ZNF385B: variants seen among roughly 807,000 people sequenced by gnomAD.
ZNF385B encodes the protein zinc finger protein 533.
ZNF385B carries 23 observed loss-of-function variants against 39.2 expected under a neutral mutation model. The ratio of observed to expected loss-of-function variants is 0.59; its 90% CI spans 0.42 to 0.83. The LOEUF is 0.83. Ranked by LOEUF, ZNF385B falls within the 40% of genes least tolerant of loss-of-function variation. The pLI is 0.00. For synonymous variants in ZNF385B, 205 were observed against 222.6 expected, an observed-to-expected ratio of 0.92 and a Z score of 0.70; for missense variants, 552 against 598.9, an observed-to-expected ratio of 0.92 and a Z score of 0.82.
chr2:179,466,045 A>C (rs539955082), intron 6 of ZNF385B, among the ~76,000 whole-genome samples: 2 of 152,224 alleles, frequency 1.3e-5, no homozygotes, highest in African/African-American at 2.4e-5. Flanking sequence ...ATAACTAGTA[A>C]AACAAATATA....
intron 1 of ZNF385B, among the ~76,000 whole-genome samples, chr2:179,807,289 C>T (rs992039602): frequency 6.6e-6 from 1 of 152,080 alleles, no homozygotes; most frequent in African/African-American, 2.4e-5. Flanking sequence ...ATTATAATGT[C>T]AAATTAAAAA....
At chr2:179,515,655 C>G (rs953343541) in intron 5 of ZNF385B, among the ~76,000 whole-genome samples, 5 of 152,044 alleles carry the variant, frequency 3.3e-5, no homozygotes, top group Non-Finnish European at 7.4e-5. Context: ...TACTTTCATT[C>G]TAGTAGTAAA....
intron 3 of ZNF385B, among the ~76,000 whole-genome samples, chr2:179,687,479 G>A (rs929436748): frequency 6.6e-6 from 1 of 152,090 alleles, no homozygotes; most frequent in African/African-American, 2.4e-5. Context: ...ATTACTTCAA[G>A]CTATAGCTCA....
chr2:179,683,036 T>C (rs1211365430), intron 3 of ZNF385B, among the ~76,000 whole-genome samples: 1 of 152,146 alleles, frequency 6.6e-6, no homozygotes, highest in Non-Finnish European at 1.5e-5. Flanking sequence ...AGAAAGTACC[T>C]GCCAAATATT....
chr2:179,518,288 A>C (rs1307985478), intron 5 of ZNF385B, among the ~76,000 whole-genome samples: 2 of 152,096 alleles, frequency 1.3e-5, no homozygotes, highest in African/African-American at 2.4e-5. Context: ...AATATTTTCG[A>C]TGTGATCTAG....
chr2:179,599,010 T>C (rs1186431127), intron 3 of ZNF385B, among the ~76,000 whole-genome samples: 3 of 152,326 alleles, frequency 2.0e-5, no homozygotes, highest in Admixed American at 2.0e-4. Flanking sequence ...TAAAGACATT[T>C]ATTGTGAAGA....
At chr2:179,814,546 A>G in intron 1 of ZNF385B, 1 of 782,914 alleles carries the variant, frequency 1.3e-6, no homozygotes, top group South Asian at 1.3e-5. Flanking sequence ...ACTGGCAACA[A>G]CAAGATTAAC....
At chr2:179,695,368 C>T (rs1399690) in intron 3 of ZNF385B, among the ~76,000 whole-genome samples, 137,608 of 152,204 alleles carry the variant, frequency 0.9, 62,414 homozygotes, top group South Asian at 0.94. Context: ...CAATGTTGTG[C>T]CTCAAATGAC....
At chr2:179,689,782 CAT>C (rs1559092874) in intron 3 of ZNF385B, among the ~76,000 whole-genome samples, 8 of 104,760 alleles carry the variant, frequency 7.6e-5, no homozygotes, top group African/African-American at 1.5e-4. Flanking sequence ...AGGGCAGGGG[CAT>C]GTGTGTGTGT....
chr2:179,621,517 G>A (rs1432495742), intron 3 of ZNF385B, among the ~76,000 whole-genome samples: 2 of 152,188 alleles, frequency 1.3e-5, no homozygotes, highest in African/African-American at 4.8e-5. Flanking sequence ...TTCCCATCAT[G>A]GCTGATTTTA....
intron 1 of ZNF385B, among the ~76,000 whole-genome samples, chr2:179,836,981 G>A (rs921154963): frequency 6.6e-6 from 1 of 152,144 alleles, no homozygotes; most frequent in Non-Finnish European, 1.5e-5. Context: ...TCAGAGGTGG[G>A]AAACTATTCT....
chr2:179,745,803 C>A, intron 3 of ZNF385B: 1 of 1,505,270 alleles, frequency 6.6e-7, no homozygotes, highest in South Asian at 1.3e-5. Flanking sequence ...CAGTATGTGA[C>A]CAGGATAATG....
intron 5 of ZNF385B, among the ~76,000 whole-genome samples, chr2:179,499,165 A>T (rs2056526991): frequency 6.6e-6 from 1 of 152,008 alleles, no homozygotes; most frequent in Non-Finnish European, 1.5e-5. Context: ...AATGAGATAG[A>T]AACTGTAACA....
At chr2:179,859,425 T>C (rs1161200675) in intron 1 of ZNF385B, among the ~76,000 whole-genome samples, 4 of 152,234 alleles carry the variant, frequency 2.6e-5, no homozygotes. Context: ...ACTTATGTAA[T>C]GTAAAATAAT....
chr2:179,839,970 A>T (rs1207456229), intron 1 of ZNF385B, among the ~76,000 whole-genome samples: 1 of 152,186 alleles, frequency 6.6e-6, no homozygotes, highest in African/African-American at 2.4e-5. Flanking sequence ...TCATTAGCCA[A>T]ACCCATTTTA....
chr2:179,682,860 T>C (rs957405180), intron 3 of ZNF385B, among the ~76,000 whole-genome samples: 3 of 152,194 alleles, frequency 2.0e-5, no homozygotes, highest in Admixed American at 6.5e-5. Context: ...ACAGCTTGTG[T>C]ACTGTAGGTT....
chr2:179,581,499 A>G (rs1001911927), intron 3 of ZNF385B, among the ~76,000 whole-genome samples: 1 of 152,242 alleles, frequency 6.6e-6, no homozygotes. Flanking sequence ...GTGATTTAAA[A>G]GTCATAGCTG....
intron 1 of ZNF385B, among the ~76,000 whole-genome samples, chr2:179,830,737 G>C (rs886779713): frequency 6.6e-6 from 1 of 152,164 alleles, no homozygotes; most frequent in African/African-American, 2.4e-5. Context: ...TGGAACATGG[G>C]AATTTTGGGG....
intron 5 of ZNF385B, among the ~76,000 whole-genome samples, chr2:179,514,883 A>C (rs1574545939): frequency 6.6e-6 from 1 of 151,462 alleles, no homozygotes; most frequent in Non-Finnish European, 1.5e-5. Flanking sequence ...GGTTCAAGCG[A>C]TTCTCCTGCC....
Sources: allele counts gnomAD v4.1 joint callset (sites outside exome capture counted in the v4.1 genomes callset), GRCh38; gene constraint gnomAD v4.1.1; transcripts MANE v1.5; gene names NCBI Gene and HGNC (gene_info 2026-07-23, HGNC 2026-07-21).